TRAPPC8: variants seen among roughly 807,000 people sequenced by gnomAD.
TRAPPC8 encodes trafficking protein particle complex subunit 8.
TRAPPC8 carries 54 observed loss-of-function variants against 174.3 expected under a neutral mutation model. That is an observed-to-expected ratio of 0.31 (90% CI 0.25 to 0.39). TRAPPC8 has a LOEUF of 0.39. Ranked by LOEUF, TRAPPC8 falls within the 10% of genes least tolerant of loss-of-function variation. The pLI, the probability that TRAPPC8 is intolerant of heterozygous loss-of-function variation, is 1.00. For missense variants in TRAPPC8, 1,531 were observed against 1,699.1 expected, an observed-to-expected ratio of 0.90 and a Z score of 1.74; for synonymous variants, 630 against 579.9, an observed-to-expected ratio of 1.09 and a Z score of -1.24.
chr18:31,871,963 T>A (rs2034886161), intron 14 of TRAPPC8, among the ~76,000 whole-genome samples: 1 of 152,286 alleles, frequency 6.6e-6, no homozygotes, highest in South Asian at 2.1e-4. Flanking sequence ...AGCTTTAAAA[T>A]ATATGCATTT....
intron 7 of TRAPPC8, 142 bp downstream of exon 7, chr18:31,908,612 T>G (rs375220569): frequency 4.1e-6 from 4 of 987,564 alleles, no homozygotes; most frequent in East Asian, 2.7e-5. Context: ...CAGAATTTCA[T>G]CATTGATAGT....
chr18:31,909,484 T>A (rs970896721), intron 6 of TRAPPC8, 183 bp downstream of exon 6: 1 of 916,252 alleles, frequency 1.1e-6, no homozygotes, highest in African/African-American at 1.8e-5. Flanking sequence ...ATAAAACAAA[T>A]TTTTAAGTGT....
At chr18:31,921,154 T>C (rs2037371013) in intron 2 of TRAPPC8, among the ~76,000 whole-genome samples, 2 of 152,200 alleles carry the variant, frequency 1.3e-5, no homozygotes, top group East Asian at 1.9e-4. Context: ...CAGAAAAGTA[T>C]GCATTTTTGT....
Position 31,846,757 on chromosome 18 carries a change from G to A in TRAPPC8, c.3796C>T (p.Arg1266Cys), listed in dbSNP as rs1243232370. The A allele has an allele frequency of 8.1e-6, 13 of 1,612,708 alleles. No homozygotes were observed. Among genetic ancestry groups the A allele is most frequent in the East Asian group, 4.5e-5 (2 of 44,876 alleles). Residue 1266 changes from arginine (R) to cysteine (C), a missense_variant, in exon 26 of 29, where the codon CGC (arginine) becomes TGC (cysteine). Transcript: ENST00000283351. ...GAAAAGGCTTCTTTTCCTATAGTGC[G>A]AAGAATAACATGATGTTGACCTTCC... Reference protein sequence around the residue: ...ILEGQHHVILRTIGKEAFSYP... With the variant: ...ILEGQHHVILCTIGKEAFSYP...
chr18:31,923,120 CCATT>C (rs1205830936), intron 2 of TRAPPC8, among the ~76,000 whole-genome samples: 5 of 152,046 alleles, frequency 3.3e-5, no homozygotes, highest in African/African-American at 1.2e-4. Context: ...CCAAAATATA[CCATT>C]CAAAGACTAT....
rs142828300 is a variant in TRAPPC8, at chr18:31,864,431, T to C, written c.2745+196A>G. On this transcript the variant is annotated intron_variant, in intron 19 of 28. Coordinates refer to ENST00000283351, the MANE Select transcript of TRAPPC8 (RefSeq NM_014939.5). Reference sequence around the variant, plus strand: ...TTAATATTTTGAGGGTTATATTTTATAGCCTGGCTATGACTTAATGGCAAT... The same window carrying C: ...TTAATATTTTGAGGGTTATATTTTACAGCCTGGCTATGACTTAATGGCAAT... Among the ~76,000 whole-genome samples the C allele has an allele frequency of 1.5e-4, 23 of 152,236 alleles. No homozygotes were observed. The South Asian group carries it at 3.7e-3, about 25-fold the overall frequency.
In TRAPPC8 at chr18:31,891,552, G is replaced by A. The variant is rs989209152; in HGVS notation, c.1597-686C>T. 2.6e-5 allele frequency among the ~76,000 whole-genome samples: 4 copies of A among 152,120 alleles called. No individual in the cohort carries two copies. In the East Asian group the frequency reaches 5.8e-4, roughly 22 times the overall value. Reference sequence around the variant, plus strand: ...TCTACAAAACCACATACTACATTACGTCACTGCCCTTAAGACAAATCTTTT... The same window carrying A: ...TCTACAAAACCACATACTACATTACATCACTGCCCTTAAGACAAATCTTTT... On this transcript the variant is annotated intron_variant, in intron 11 of 28. Transcript: ENST00000283351.
At chr18:31,831,380 A>C in intron 28 of TRAPPC8, among the ~76,000 whole-genome samples, 1 of 152,144 alleles carries the variant, frequency 6.6e-6, no homozygotes, top group Non-Finnish European at 1.5e-5. Flanking sequence ...TTCATCTAAC[A>C]ATTCTATTTC....
At chr18:31,902,488 G>C (rs973896648) in intron 9 of TRAPPC8, among the ~76,000 whole-genome samples, 1 of 152,206 alleles carries the variant, frequency 6.6e-6, no homozygotes, top group African/African-American at 2.4e-5. Flanking sequence ...GTGGGAGGTT[G>C]AATAGTCAGT....
intron 4 of TRAPPC8, among the ~76,000 whole-genome samples, chr18:31,915,482 G>GGGGC (rs1436517784): frequency 3.4e-5 from 4 of 116,960 alleles, no homozygotes; most frequent in African/African-American, 1.3e-4. Flanking sequence ...GGGGGGGGGC[G>GGGGC]CAGGCGCAGT....
At chr18:31,906,047 T>C (rs1017772247) in intron 9 of TRAPPC8, among the ~76,000 whole-genome samples, 6 of 151,950 alleles carry the variant, frequency 3.9e-5, no homozygotes, top group Non-Finnish European at 8.8e-5. Flanking sequence ...CTCATGAACA[T>C]AGCATATTTT....
At chr18:31,933,506 TAGAC>T (rs1040188009) in intron 1 of TRAPPC8, among the ~76,000 whole-genome samples, 25 of 152,136 alleles carry the variant, frequency 1.6e-4, no homozygotes, top group African/African-American at 4.8e-4. Flanking sequence ...GAACTATTGT[TAGAC>T]AGTAATTGCA....
At chr18:31,895,066 C>T (rs2036127796) in intron 11 of TRAPPC8, among the ~76,000 whole-genome samples, 2 of 152,136 alleles carry the variant, frequency 1.3e-5, no homozygotes, top group African/African-American at 2.4e-5. Flanking sequence ...ATTCACTTGA[C>T]CAAAAATTTG....
chr18:31,843,009 T>A (rs952649945), intron 26 of TRAPPC8, among the ~76,000 whole-genome samples: 2 of 152,140 alleles, frequency 1.3e-5, no homozygotes, highest in Non-Finnish European at 2.9e-5. Flanking sequence ...AAGAAAAAGA[T>A]CTAAAGGTGA....
At chr18:31,892,739 T>C (rs2036007487) in intron 11 of TRAPPC8, among the ~76,000 whole-genome samples, 1 of 152,008 alleles carries the variant, frequency 6.6e-6, no homozygotes. Context: ...GCTAATAAAA[T>C]AAAAATGACA....
chr18:31,874,399 C>T (rs2035039376), intron 13 of TRAPPC8, 81 bp downstream of exon 13: 5 of 1,367,530 alleles, frequency 3.7e-6, no homozygotes, highest in Non-Finnish European at 5.1e-6. Flanking sequence ...ATAAAACTAT[C>T]GTAAGATATG....
intron 26 of TRAPPC8, chr18:31,845,210 T>C (rs1358952028): frequency 6.7e-6 from 1 of 148,358 alleles, no homozygotes; most frequent in African/African-American, 2.5e-5. Flanking sequence ...ATAAATAAAA[T>C]AAAATAACTG....
At chr18:31,908,687 T>C (rs191781067) in intron 7 of TRAPPC8, 67 bp downstream of exon 7, 1 of 1,405,376 alleles carries the variant, frequency 7.1e-7, no homozygotes, top group East Asian at 2.6e-5. Context: ...TCAAATACGT[T>C]TAATAATTCT....
intron 26 of TRAPPC8, among the ~76,000 whole-genome samples, chr18:31,840,494 T>C (rs2033032644): frequency 6.6e-6 from 1 of 152,182 alleles, no homozygotes; most frequent in African/African-American, 2.4e-5. Context: ...TTTCTCTATT[T>C]TCCCTCACCA....
Sources: gnomAD v4.1 joint callset for allele counts (sites outside exome capture counted in the v4.1 genomes callset) on GRCh38, gnomAD v4.1.1 for gene constraint, MANE v1.5 for transcripts, NCBI Gene and HGNC (gene_info 2026-07-23, HGNC 2026-07-21) for gene names.